The following KLF17 variants were observed in gnomAD, a reference collection of about 807,000 sequenced individuals.
KLF17 encodes the protein KLF transcription factor 17, also known as Krueppel-like factor 17.
Under a neutral mutation model 34.2 loss-of-function variants are expected in KLF17, and 31 were observed. The ratio of observed to expected loss-of-function variants is 0.91; its 90% confidence interval spans 0.68 to 1.22. The LOEUF is 1.22. KLF17 is among the 50% of genes most tolerant of loss of function. The probability of loss-of-function intolerance (pLI) is 0.00; values close to 1 mark genes in which losing one functional copy is unlikely to be tolerated. For missense variants in KLF17, 478 were observed against 505.2 expected (o/e 0.95, Z 0.52); for synonymous variants, 179 against 186.7 (o/e 0.96, Z 0.34).
the KLF17 span, among the ~76,000 whole-genome samples, chr1:44,081,142 G>C: frequency 1.3e-5 from 2 of 149,924 alleles, no homozygotes; most frequent in African/African-American, 4.9e-5. Flanking sequence ...TAGTTAATCT[G>C]TTGTGCCTAG....
the KLF17 span, among the ~76,000 whole-genome samples, chr1:44,054,327 C>A: frequency 6.6e-6 from 1 of 151,970 alleles, no homozygotes; most frequent in Non-Finnish European, 1.5e-5. Flanking sequence ...AAAAAGTTGG[C>A]CAAAAAATCA....
At chr1:44,132,700 A>G (rs1395507907) in intron 3 of KLF17, among the ~76,000 whole-genome samples, 1 of 147,786 alleles carries the variant, frequency 6.8e-6, no homozygotes, top group Non-Finnish European at 1.5e-5. Context: ...TGGGGCAGAT[A>G]AAGATGAATC....
At chr1:44,111,232 G>A in the KLF17 span, among the ~76,000 whole-genome samples, 271 of 152,096 alleles carry the variant, frequency 1.8e-3, 3 homozygotes, top group African/African-American at 6.2e-3. Context: ...CTGGGCTCAA[G>A]CGATCCACCT....
At chr1:44,125,504 G>T (rs140340433) in intron 1 of KLF17, among the ~76,000 whole-genome samples, 1,551 of 152,166 alleles carry the variant, frequency 0.01, 70 homozygotes, top group Admixed American at 0.08. Flanking sequence ...TTGAGACGGG[G>T]TCTCACTCTC....
the KLF17 span, among the ~76,000 whole-genome samples, chr1:44,108,146 C>G: frequency 1.3e-5 from 2 of 152,188 alleles, no homozygotes; most frequent in Non-Finnish European, 2.9e-5. Context: ...CCGTGTAGAG[C>G]TTCTTTCTTT....
chr1:44,068,057 C>A, the KLF17 span, among the ~76,000 whole-genome samples: 1 of 152,046 alleles, frequency 6.6e-6, no homozygotes, highest in African/African-American at 2.4e-5. Flanking sequence ...ACAGAGTTTG[C>A]TTTGTCACCC....
intron 3 of KLF17, among the ~76,000 whole-genome samples, chr1:44,131,358 T>C (rs2088107642): frequency 6.6e-6 from 1 of 152,144 alleles, no homozygotes; most frequent in African/African-American, 2.4e-5. Flanking sequence ...TTCTTGTCGC[T>C]CCCCAGCTTA....
the KLF17 span, chr1:44,104,747 T>C: frequency 3.4e-6 from 1 of 295,754 alleles, no homozygotes. Flanking sequence ...CTGTTGTTCA[T>C]CAATAGCATA....
At chr1:44,090,300 T>C in the KLF17 span, among the ~76,000 whole-genome samples, 8 of 52,494 alleles carry the variant, frequency 1.5e-4, no homozygotes, top group Non-Finnish European at 2.7e-4. Flanking sequence ...TGAGATCTTG[T>C]CTCTACAAAA....
chr1:44,117,436 ATTTATTTTATTTTAT>A (rs143866219), upstream of KLF17: 43 of 145,396 alleles, frequency 3.0e-4, no homozygotes, highest in Middle Eastern at 7.2e-3. Context: ...CTCCTTTTTT[ATTTATTTTATTTTAT>A]TTTATTTTAT....
At chr1:44,086,967 G>A in the KLF17 span, among the ~76,000 whole-genome samples, 13 of 152,306 alleles carry the variant, frequency 8.5e-5, no homozygotes, top group Admixed American at 6.5e-4. Context: ...GAGGTAAGTG[G>A]TCATGAATTT....
upstream of KLF17, among the ~76,000 whole-genome samples, chr1:44,118,519 T>G (rs1450214757): frequency 2.6e-5 from 4 of 152,182 alleles, no homozygotes; most frequent in South Asian, 8.3e-4. Flanking sequence ...CAGCCTCGCC[T>G]CTCTCTCCAG....
intron 1 of KLF17, among the ~76,000 whole-genome samples, chr1:44,128,750 C>T (rs1438086113): frequency 6.6e-6 from 1 of 152,154 alleles, no homozygotes; most frequent in African/African-American, 2.4e-5. Context: ...CGGTGGCTCA[C>T]GCCTGTAATC....
chr1:44,118,767 C>T (rs929918041), upstream of KLF17: 1 of 636,986 alleles, frequency 1.6e-6, no homozygotes, highest in Non-Finnish European at 2.5e-6. Context: ...CGGGTGGGGC[C>T]TGACCCCGCC....
At chr1:44,048,468 C>G in the KLF17 span, 1 of 152,164 alleles carries the variant, frequency 6.6e-6, no homozygotes, top group African/African-American at 2.4e-5. Flanking sequence ...ACAGATGAGT[C>G]AGAGGTTTCT....
At chr1:44,057,017 G>A in the KLF17 span, among the ~76,000 whole-genome samples, 1 of 151,904 alleles carries the variant, frequency 6.6e-6, no homozygotes, top group African/African-American at 2.4e-5. Context: ...ATTCATTCCT[G>A]CGTGGAAACC....
At chr1:44,091,635 C>CAAAAAAAAAA in the KLF17 span, among the ~76,000 whole-genome samples, 1 of 79,028 alleles carries the variant, frequency 1.3e-5, no homozygotes, top group African/African-American at 4.8e-5. Context: ...GACTCCATCT[C>CAAAAAAAAAA]AAAAAAAAAA....
the KLF17 span, chr1:44,101,432 G>A: frequency 6.6e-6 from 1 of 152,098 alleles, no homozygotes; most frequent in East Asian, 1.9e-4. Context: ...AGTTCCCTCC[G>A]TCTTTCCTTA....
the KLF17 span, among the ~76,000 whole-genome samples, chr1:44,095,612 A>G: frequency 6.6e-6 from 1 of 152,320 alleles, no homozygotes; most frequent in Admixed American, 6.5e-5. Context: ...TTTGGGTAGT[A>G]TAAACATTTT....
Sources: allele counts gnomAD v4.1 joint callset (sites outside exome capture counted in the v4.1 genomes callset), GRCh38; gene constraint gnomAD v4.1.1; transcripts MANE v1.5; gene names NCBI Gene and HGNC (gene_info 2026-07-23, HGNC 2026-07-21).